PRPF18: variants seen among roughly 807,000 people sequenced by gnomAD.
PRPF18 encodes the protein pre-mRNA-splicing factor 18.
A neutral mutation model predicts 46.5 loss-of-function variants in PRPF18; 38 were observed. That is an observed-to-expected ratio of 0.82 (90% CI 0.63 to 1.07). The LOEUF (loss-of-function observed/expected upper bound fraction) is 1.07. Among genes scored for constraint, PRPF18 ranks in the 50% least tolerant of loss-of-function variants. The probability of loss-of-function intolerance (pLI) is 0.00; values close to 1 mark genes in which losing one functional copy is unlikely to be tolerated. For synonymous variants in PRPF18, 152 were observed against 146.7 expected (o/e 1.04, Z -0.26); for missense variants, 263 against 410.0 (o/e 0.64, Z 3.10).
the PRPF18 span, chr10:13,646,947 C>T: frequency 3.1e-5 from 30 of 978,338 alleles, no homozygotes; most frequent in Non-Finnish European, 3.4e-5. Flanking sequence ...ACGAGGGTCC[C>T]GGGCTTGGCT....
the PRPF18 span, chr10:13,637,831 A>T: frequency 6.6e-6 from 1 of 152,212 alleles, no homozygotes; most frequent in Non-Finnish European, 1.5e-5. Flanking sequence ...AAATTATGTG[A>T]ATGTTTGCAC....
rs749094062 is a variant in PRPF18 at position 13,614,068 on chromosome 10, G to T, written c.774G>T (p.Leu258Phe). ...ESITDIIKFM[L>F]QREYVKANDA... ...TAACGGATATTATTAAATTCATGTT[G>T]CAGAGAGAATACGTGAAGGTACATT... is the stretch of plus-strand genomic sequence containing the variant. The change falls in exon 8 of 10, where the codon TTG (leucine) becomes TTT (phenylalanine). Residue 258 changes from leucine to phenylalanine, a missense_variant. Coordinates refer to ENST00000378572, the MANE Select transcript of PRPF18 (RefSeq NM_003675.4). 2 of 1,584,000 alleles carry T rather than the reference G, an allele frequency of 1.3e-6. No individual in the cohort carries two copies.
intron 1 of PRPF18, chr10:13,591,349 GAAA>G (rs2079958569): frequency 2.5e-6 from 1 of 398,094 alleles, no homozygotes; most frequent in African/African-American, 2.1e-5. Context: ...ATATGTATGT[GAAA>G]AAAGTTTTAT....
the PRPF18 span, chr10:13,643,239 A>G: frequency 1.3e-5 from 2 of 152,178 alleles, no homozygotes; most frequent in South Asian, 4.1e-4. Flanking sequence ...TCTGCATCCT[A>G]CATGGAATGA....
intron 3 of PRPF18, among the ~76,000 whole-genome samples, chr10:13,605,291 A>G (rs996711011): frequency 1.3e-5 from 2 of 152,182 alleles, no homozygotes; most frequent in Non-Finnish European, 2.9e-5. Context: ...TTCCTCTCTC[A>G]AAAGTTTAAT....
chr10:13,645,805 A>G, the PRPF18 span: 5,310 of 152,740 alleles, frequency 0.035, 240 homozygotes, highest in African/African-American at 0.099. Context: ...TAACGAACAG[A>G]AAATGAGCCA....
intron 9 of PRPF18, among the ~76,000 whole-genome samples, chr10:13,619,587 C>T (rs980724854): frequency 5.9e-5 from 9 of 152,128 alleles, no homozygotes; most frequent in East Asian, 3.9e-4. Flanking sequence ...ACTAAGATAA[C>T]GAGTGAGCTG....
intron 1 of PRPF18, among the ~76,000 whole-genome samples, chr10:13,595,115 A>T (rs567409297): frequency 6.6e-6 from 1 of 152,314 alleles, no homozygotes; most frequent in East Asian, 1.9e-4. Flanking sequence ...ATTTTTGCTG[A>T]TGCCAGTAGT....
At chr10:13,605,789 T>C in intron 4 of PRPF18, 45 bp downstream of exon 4, 1 of 1,551,780 alleles carries the variant, frequency 6.4e-7, no homozygotes. Context: ...TGTACTGCAT[T>C]CACTAGAATA....
At chr10:13,591,542 AT>A in intron 1 of PRPF18, 2 of 722,070 alleles carry the variant, frequency 2.8e-6, no homozygotes, top group Admixed American at 1.9e-5. Flanking sequence ...AATAGCTTTG[AT>A]TTTTGGTAAA....
chr10:13,643,247 T>C, the PRPF18 span: 20,230 of 152,188 alleles, frequency 0.13, 1,977 homozygotes, highest in African/African-American at 0.28. Context: ...CTACATGGAA[T>C]GAGGGACAAC....
chr10:13,636,479 A>T, the PRPF18 span, among the ~76,000 whole-genome samples: 1 of 152,196 alleles, frequency 6.6e-6, no homozygotes. Context: ...AGTTGCAAGG[A>T]GTCTAGTGTT....
intron 1 of PRPF18, among the ~76,000 whole-genome samples, chr10:13,596,984 A>G (rs1039315578): frequency 2.1e-4 from 32 of 152,194 alleles, no homozygotes; most frequent in African/African-American, 7.5e-4. Flanking sequence ...ATAAGGTTCC[A>G]GGTAACAAGA....
At chr10:13,650,081 G>T in the PRPF18 span, among the ~76,000 whole-genome samples, 1 of 152,198 alleles carries the variant, frequency 6.6e-6, no homozygotes, top group East Asian at 1.9e-4. Context: ...CCTGCAAAGG[G>T]TACTGGCTAA....
chr10:13,616,671 G>C (rs931595978), intron 9 of PRPF18, 118 bp downstream of exon 9: 24 of 1,313,816 alleles, frequency 1.8e-5, no homozygotes, highest in South Asian at 2.6e-5. Context: ...GTGATAGGAT[G>C]GAAGTCCCCT....
At position 13,630,415 on chromosome 10, in the gene PRPF18, G is replaced by A; in HGVS notation, c.*75G>A. ...TGTGGACTTCTGGAATTACCAACAGGAATGAGGAAAGAAGAAAACTGGAGT... is the reference window on the plus strand; with the variant it reads ...TGTGGACTTCTGGAATTACCAACAGAAATGAGGAAAGAAGAAAACTGGAGT... On this transcript the variant is annotated 3_prime_UTR_variant, in exon 10 of 10. Coordinates refer to ENST00000378572, the MANE Select transcript of PRPF18 (RefSeq NM_003675.4). The A allele has an allele frequency of 8.2e-7, 1 of 1,221,260 alleles. No individual in the cohort carries two copies. Among genetic ancestry groups the A allele is most frequent in the Non-Finnish European group, 1.2e-6 (1 of 856,036 alleles). 75.7% of individuals were successfully genotyped at this position (1,221,260 alleles called of 1,614,324 possible). A position where few individuals can be genotyped will look rare whatever the true frequency, so the allele number is the denominator to read the frequency against.
chr10:13,632,923 CAG>C (rs1320944401), downstream of PRPF18: 6 of 152,292 alleles, frequency 3.9e-5, no homozygotes, highest in East Asian at 9.6e-4. Flanking sequence ...TCTTCCTCCC[CAG>C]ACTCCTATCC....
At chr10:13,597,731 G>C in intron 2 of PRPF18, 196 bp downstream of exon 2, 1 of 1,445,400 alleles carries the variant, frequency 6.9e-7, no homozygotes, top group Non-Finnish European at 9.5e-7. Context: ...ATACATGCAT[G>C]ACTTTTGGCT....
intron 1 of PRPF18, chr10:13,591,765 T>C: frequency 7.3e-7 from 1 of 1,365,416 alleles, no homozygotes; most frequent in Non-Finnish European, 9.9e-7. Flanking sequence ...GTTTTCTTCA[T>C]AGAGGAACTC....
Sources: allele counts gnomAD v4.1 joint callset (sites outside exome capture counted in the v4.1 genomes callset), GRCh38; gene constraint gnomAD v4.1.1; transcripts MANE v1.5; gene names NCBI Gene and HGNC (gene_info 2026-07-23, HGNC 2026-07-21).